The following ADAM10 variants were observed in gnomAD, a reference collection of about 807,000 sequenced individuals.
ADAM10 encodes disintegrin and metalloproteinase domain-containing protein 10.
Under a neutral mutation model 90.1 loss-of-function variants are expected in ADAM10, and 17 were observed. That is an observed-to-expected ratio of 0.19 (90% confidence interval 0.13 to 0.28). The LOEUF (loss-of-function observed/expected upper bound fraction) is 0.28, where lower values mean the gene tolerates loss of function less well. Among genes scored for constraint, ADAM10 ranks in the 10% least tolerant of loss-of-function variants. ADAM10 has a pLI of 1.00. For missense variants in ADAM10, 610 were observed against 914.3 expected (o/e 0.67, Z 4.29); for synonymous variants, 310 against 298.6 (o/e 1.04, Z -0.40).
In ADAM10 at chr15:58,663,754, C is replaced by T. The variant is rs111513859; in HGVS notation, c.585+1343G>A. On this transcript the variant is annotated intron_variant, in intron 5 of 15. Coordinates refer to ENST00000260408, the MANE Select transcript of ADAM10 (RefSeq NM_001110.4). ...TTTTATAAAGTTTTGATTTTCCTTA[C>T]ATAGGTCTTATAATTCTTTGTTACA... 3.5e-3 allele frequency among the ~76,000 whole-genome samples: 539 copies of T among 152,130 alleles called. 5 individuals carry two copies. Among genetic ancestry groups the T allele is most frequent in the African/African-American group, 0.012 (517 of 41,528 alleles).
chr15:58,672,950 G>A (rs1240006506), intron 4 of ADAM10: 1 of 209,700 alleles, frequency 4.8e-6, no homozygotes, highest in Non-Finnish European at 1.0e-5. Flanking sequence ...CTAGTGCAGT[G>A]TTTGTCCTTG....
intron 2 of ADAM10, among the ~76,000 whole-genome samples, chr15:58,712,144 C>A (rs1218669834): frequency 6.6e-6 from 1 of 152,058 alleles, no homozygotes; most frequent in Non-Finnish European, 1.5e-5. Flanking sequence ...ATAGGTGATA[C>A]AGAGATATTC....
intron 14 of ADAM10, among the ~76,000 whole-genome samples, chr15:58,607,519 C>G (rs1351466243): frequency 1.3e-5 from 2 of 152,148 alleles, no homozygotes; most frequent in Non-Finnish European, 2.9e-5. Context: ...CCCAGAACAT[C>G]TAATGGAACT....
In ADAM10 at chr15:58,749,653, T is replaced by G; in HGVS notation, c.-119A>C. ...CTCCACGGGAAGCCGGGACCTCCCC[T>G]GGCAGGAGAAACGGCGAAGCACCTC... On this transcript the variant is annotated 5_prime_UTR_variant, in exon 1 of 16. Transcript: ENST00000260408. 1.3e-6 allele frequency: 2 copies of G among 1,501,448 alleles called. No homozygotes were observed. The highest frequency in any genetic ancestry group is 2.8e-5 in the African/African-American group (2 of 70,966). The allele number at this position is 1,501,448 out of a possible 1,614,324, so 93.0% of individuals were successfully genotyped here.
At chr15:58,686,903 C>A (rs1326584916) in intron 2 of ADAM10, among the ~76,000 whole-genome samples, 1 of 152,084 alleles carries the variant, frequency 6.6e-6, no homozygotes, top group Non-Finnish European at 1.5e-5. Flanking sequence ...CAAAATGCAC[C>A]TCTTTCATAA....
At chr15:58,621,416 A>T in intron 11 of ADAM10, 55 bp downstream of exon 11, 1 of 1,602,786 alleles carries the variant, frequency 6.2e-7, no homozygotes, top group East Asian at 2.2e-5. Flanking sequence ...ATTTGTCATA[A>T]CTGCATTGAG....
chr15:58,669,833 T>C (rs1415092326), intron 4 of ADAM10, among the ~76,000 whole-genome samples: 2 of 152,136 alleles, frequency 1.3e-5, no homozygotes, highest in African/African-American at 4.8e-5. Context: ...CATGGACGAA[T>C]CCCAAACTAT....
rs537707589 is a variant in ADAM10, at chr15:58,702,071, A to G, written c.206+15506T>C. Among the ~76,000 whole-genome samples the G allele has an allele frequency of 3.3e-5, 5 of 152,272 alleles. No individual in the cohort carries two copies. In the East Asian group the frequency reaches 5.8e-4, roughly 18 times the overall value. ...CAGTGAGCCGAGATCGCACCATTGC[A>G]CTCCAGACTGGGCAACAGAGCGAGA... On this transcript the variant is annotated intron_variant, in intron 2 of 15. Transcript: ENST00000260408.
intron 5 of ADAM10, among the ~76,000 whole-genome samples, chr15:58,651,041 TATA>T (rs1232758201): frequency 2.0e-5 from 3 of 152,096 alleles, no homozygotes; most frequent in African/African-American, 4.8e-5. Context: ...CAAAATATTT[TATA>T]ATATCTTTTG....
In ADAM10 at chr15:58,685,100, G is replaced by GA. The variant is rs1157685207; in HGVS notation, c.207-2787dup. On this transcript the variant is annotated intron_variant, in intron 2 of 15. Coordinates refer to ENST00000260408, the MANE Select transcript of ADAM10 (RefSeq NM_001110.4). ...CCATATAACTGTATACTACAAAGCT[G>GA]AAAAAAATATATAAAATATTTACAT... 6.4e-5 allele frequency among the ~76,000 whole-genome samples: 9 copies of GA among 141,546 alleles called. No homozygotes were observed. The South Asian group carries it at 2.0e-3, about 32-fold the overall frequency. The allele number at this position is 141,546 out of a possible 152,430, so 92.9% of individuals were successfully genotyped here. A position where few individuals can be genotyped will look rare whatever the true frequency, so the allele number is the denominator to read the frequency against.
chr15:58,728,643 G>A (rs562704052), intron 1 of ADAM10, among the ~76,000 whole-genome samples: 2 of 152,018 alleles, frequency 1.3e-5, no homozygotes, highest in South Asian at 4.2e-4. Context: ...TGGGTTTCTG[G>A]CCTTCCTACT....
rs67378373 is a variant in ADAM10, at chr15:58,647,248, ATTTTTTTT to A, written c.586-1052_586-1045del. On this transcript the variant is annotated intron_variant, in intron 5 of 15. Coordinates refer to ENST00000260408, the MANE Select transcript of ADAM10 (RefSeq NM_001110.4). Reference sequence around the variant, plus strand: ...TGGCAGCAAAGAGTAGACACTAAGTATTTTTTTTTTTTTTTTTTTTTTTTTTTTTTGAG... The same window carrying A: ...TGGCAGCAAAGAGTAGACACTAAGTATTTTTTTTTTTTTTTTTTTTTTGAG... Among the ~76,000 whole-genome samples the A allele has an allele frequency of 1.9e-3, 113 of 59,600 alleles. 2 individuals carry two copies. Among genetic ancestry groups the A allele is most frequent in the East Asian group, 0.012 (27 of 2,304 alleles). 39.1% of individuals were successfully genotyped at this position (59,600 alleles called of 152,430 possible).
chr15:58,661,538 T>C (rs1896967235), intron 5 of ADAM10, among the ~76,000 whole-genome samples: 1 of 145,140 alleles, frequency 6.9e-6, no homozygotes, highest in Admixed American at 7.0e-5. Context: ...CCCCTGTATG[T>C]AAATGTATCT....
chr15:58,641,070 T>C, intron 7 of ADAM10, 110 bp from the exon 8 acceptor site: 1 of 1,087,132 alleles, frequency 9.2e-7, no homozygotes, highest in Non-Finnish European at 1.4e-6. Context: ...CCCATGGAAA[T>C]CAGGCCTGAA....
chr15:58,661,238 G>T (rs1309642577), intron 5 of ADAM10, among the ~76,000 whole-genome samples: 1 of 151,928 alleles, frequency 6.6e-6, no homozygotes, highest in African/African-American at 2.4e-5. Context: ...TATCTATATA[G>T]TTACTATTTT....
At chr15:58,611,256 G>T (rs1466538079) in intron 12 of ADAM10, 149 bp from the exon 13 acceptor site, 5 of 651,314 alleles carry the variant, frequency 7.7e-6, no homozygotes, top group Non-Finnish European at 1.4e-5. Flanking sequence ...TATCAAAACT[G>T]AATTACATAA....
At chr15:58,675,547 T>G (rs1159787935) in intron 4 of ADAM10, among the ~76,000 whole-genome samples, 7 of 152,230 alleles carry the variant, frequency 4.6e-5, no homozygotes, top group Non-Finnish European at 7.3e-5. Context: ...GAGGACTAAG[T>G]GGTATTCTTA....
intron 8 of ADAM10, among the ~76,000 whole-genome samples, chr15:58,635,327 C>T (rs552858036): frequency 2.0e-5 from 3 of 150,900 alleles, no homozygotes; most frequent in African/African-American, 7.3e-5. Context: ...TAACATGCCC[C>T]ACCATTTTCA....
At position 58,594,215 on chromosome 15, in the gene ADAM10, A is replaced by G. The variant is rs558938104; in HGVS notation, c.*3332T>C. On this transcript the variant is annotated 3_prime_UTR_variant, in exon 16 of 16. Coordinates refer to ENST00000260408, the MANE Select transcript of ADAM10 (RefSeq NM_001110.4). ...TTGACCCTTTAAATATGGATAATGA[A>G]TATCTCTTCTTGTACTCCTCCAGGT... 9.2e-5 allele frequency: 14 copies of G among 152,258 alleles called. No homozygotes were observed. The highest frequency in any genetic ancestry group is 3.1e-4 in the African/African-American group (13 of 41,548). The allele number at this position is 152,258 out of a possible 1,614,324, so 9.4% of individuals were successfully genotyped here.
Sources: allele counts gnomAD v4.1 joint callset (sites outside exome capture counted in the v4.1 genomes callset), GRCh38; gene constraint gnomAD v4.1.1; transcripts MANE v1.5; gene names NCBI Gene and HGNC (gene_info 2026-07-23, HGNC 2026-07-21).